OSBPL10: variants seen among roughly 807,000 people sequenced by gnomAD.
The protein encoded by OSBPL10 is oxysterol binding protein like 10.
In OSBPL10, 49 loss-of-function variants were observed where a neutral mutation model predicts 81.7. The observed-to-expected ratio is 0.60, with a 90% CI of 0.48 to 0.76. OSBPL10 has a LOEUF of 0.76. Among genes scored for constraint, OSBPL10 ranks in the 30% least tolerant of loss-of-function variants. OSBPL10 has a pLI of 0.00. For missense variants in OSBPL10, 923 were observed against 987.8 expected (o/e 0.93, Z 0.88); for synonymous variants, 419 against 383.6 (o/e 1.09, Z -1.08).
At chr3:31,869,182 TATC>T (rs1244398160) in intron 3 of OSBPL10, among the ~76,000 whole-genome samples, 2 of 152,128 alleles carry the variant, frequency 1.3e-5, no homozygotes, top group Non-Finnish European at 2.9e-5. Flanking sequence ...ATGAGACAGA[TATC>T]ATCATTTCAA....
chr3:32,074,396 C>A (rs1265571371), intron 1 of OSBPL10, among the ~76,000 whole-genome samples: 2 of 152,172 alleles, frequency 1.3e-5, no homozygotes, highest in Non-Finnish European at 2.9e-5. Flanking sequence ...CTTTAGGCAA[C>A]CTTCCACTGT....
rs151150676 is a variant in OSBPL10 at position 31,949,971 on chromosome 3, G to A, written c.281+30928C>T. On this transcript the variant is annotated intron_variant, in intron 1 of 11. Transcript: ENST00000396556. Reference sequence around the variant, plus strand: ...ATGCAGTGGGTTGAAGTAGCAATCTGAGAGTTGGCAAAAATTTTTTAAAGT... The same window carrying A: ...ATGCAGTGGGTTGAAGTAGCAATCTAAGAGTTGGCAAAAATTTTTTAAAGT... 1.9e-3 allele frequency among the ~76,000 whole-genome samples: 296 copies of A among 152,206 alleles called. 6 individuals carry two copies. Among genetic ancestry groups the A allele is most frequent in the African/African-American group, 6.6e-3 (276 of 41,558 alleles).
intron 3 of OSBPL10, among the ~76,000 whole-genome samples, chr3:31,869,177 A>G (rs897432206): frequency 6.6e-6 from 1 of 152,198 alleles, no homozygotes; most frequent in Admixed American, 6.5e-5. Context: ...ACCTTATGAG[A>G]CAGATATCAT....
intron 2 of OSBPL10, chr3:31,989,347 GA>G: frequency 6.2e-7 from 1 of 1,614,206 alleles, no homozygotes; most frequent in South Asian, 1.1e-5. Flanking sequence ...AGGGACATTA[GA>G]AAGACATGAA....
intron 3 of OSBPL10, among the ~76,000 whole-genome samples, chr3:31,865,735 G>T (rs145516108): frequency 6.6e-6 from 1 of 152,114 alleles, no homozygotes; most frequent in Non-Finnish European, 1.5e-5. Context: ...CCCTAAAATT[G>T]CTTAATCATA....
chr3:31,912,670 A>T (rs932521642), intron 1 of OSBPL10, among the ~76,000 whole-genome samples: 3 of 152,200 alleles, frequency 2.0e-5, no homozygotes, highest in Non-Finnish European at 4.4e-5. Context: ...CAGCTAGACT[A>T]CAATGCGCCT....
At chr3:31,945,099 C>T (rs1419204162) in intron 1 of OSBPL10, among the ~76,000 whole-genome samples, 1 of 140,528 alleles carries the variant, frequency 7.1e-6, no homozygotes, top group African/African-American at 2.7e-5. Flanking sequence ...TGCAGTGAAC[C>T]AAGATTGCAC....
At chr3:31,856,414 G>A (rs72850568) in intron 3 of OSBPL10, among the ~76,000 whole-genome samples, 1,789 of 152,198 alleles carry the variant, frequency 0.012, 33 homozygotes, top group African/African-American at 0.04. Context: ...AAGAAAAATG[G>A]CACTGAGCTT....
intron 5 of OSBPL10, among the ~76,000 whole-genome samples, chr3:31,740,236 G>T (rs1338524887): frequency 6.6e-6 from 1 of 151,924 alleles, no homozygotes; most frequent in Non-Finnish European, 1.5e-5. Flanking sequence ...GGAGAGATGG[G>T]TTTCACCATA....
intron 6 of OSBPL10, among the ~76,000 whole-genome samples, chr3:31,725,438 G>T (rs1177607202): frequency 6.6e-6 from 1 of 152,112 alleles, no homozygotes; most frequent in Non-Finnish European, 1.5e-5. Flanking sequence ...AAACCCGGAT[G>T]ATCAAATCAT....
intron 1 of OSBPL10, among the ~76,000 whole-genome samples, chr3:31,971,139 C>CTTTTTTTTTTTTTTTTTTTT (rs56785817): frequency 1.8e-4 from 22 of 119,352 alleles, no homozygotes; most frequent in Non-Finnish European, 2.9e-4. Flanking sequence ...TTTCTTTTTT[C>CTTTTTTTTTTTTTTTTTTTT]TTTTTTTTTT....
chr3:31,685,765 T>TCA (rs763693720), intron 7 of OSBPL10, among the ~76,000 whole-genome samples: 1 of 152,124 alleles, frequency 6.6e-6, no homozygotes, highest in Non-Finnish European at 1.5e-5. Flanking sequence ...TCACACAGGC[T>TCA]CACAGATCTG....
At chr3:32,057,258 A>C (rs750060395) in intron 1 of OSBPL10, among the ~76,000 whole-genome samples, 5 of 152,128 alleles carry the variant, frequency 3.3e-5, no homozygotes, top group Non-Finnish European at 7.3e-5. Context: ...CTTCCTAATA[A>C]ACTTGATTTC....
Position 31,671,863 on chromosome 3 carries a change from C to T in OSBPL10, c.1727-880G>A, listed in dbSNP as rs144174113. Among the ~76,000 whole-genome samples the T allele has an allele frequency of 2.0e-5, 3 of 152,282 alleles. No individual in the cohort carries two copies. In the East Asian group the frequency reaches 5.8e-4, roughly 29 times the overall value. Reference sequence around the variant, plus strand: ...TAGAGTTGTATACAGAGGCCCTATACAGACTGGCAGAGGCCCTGAGACCCA... The same window carrying T: ...TAGAGTTGTATACAGAGGCCCTATATAGACTGGCAGAGGCCCTGAGACCCA... On this transcript the variant is annotated intron_variant, in intron 8 of 11. Transcript: ENST00000396556.
intron 1 of OSBPL10, among the ~76,000 whole-genome samples, chr3:31,929,680 G>A (rs374524186): frequency 4.6e-5 from 7 of 151,446 alleles, no homozygotes; most frequent in East Asian, 1.9e-4. Context: ...CCCGGGAGGC[G>A]GAGCTTGCAG....
At chr3:31,898,685 G>T (rs909506238) in intron 1 of OSBPL10, among the ~76,000 whole-genome samples, 10 of 151,656 alleles carry the variant, frequency 6.6e-5, no homozygotes, top group Non-Finnish European at 1.5e-4. Context: ...TACCACTAAG[G>T]GACCTGCATT....
intron 3 of OSBPL10, among the ~76,000 whole-genome samples, chr3:31,853,826 G>A (rs1384198988): frequency 6.6e-6 from 1 of 152,186 alleles, no homozygotes; most frequent in African/African-American, 2.4e-5. Flanking sequence ...TGAGGCAGCA[G>A]CCCAGTCCAG....
At chr3:31,737,778 G>C (rs1013265820) in intron 5 of OSBPL10, among the ~76,000 whole-genome samples, 6 of 152,170 alleles carry the variant, frequency 3.9e-5, no homozygotes, top group African/African-American at 1.4e-4. Flanking sequence ...GATCACCTGA[G>C]GTCAGGAGTT....
At chr3:31,770,291 C>T (rs752446642) in intron 4 of OSBPL10, among the ~76,000 whole-genome samples, 3 of 152,170 alleles carry the variant, frequency 2.0e-5, no homozygotes, top group Non-Finnish European at 2.9e-5. Flanking sequence ...CTCTACAATG[C>T]TGTTAATGCC....
Sources: gnomAD v4.1 joint callset for allele counts (sites outside exome capture counted in the v4.1 genomes callset) on GRCh38, gnomAD v4.1.1 for gene constraint, MANE v1.5 for transcripts, NCBI Gene and HGNC (gene_info 2026-07-23, HGNC 2026-07-21) for gene names.